ANKS1A: variants seen among roughly 807,000 people sequenced by gnomAD.
ANKS1A encodes the protein ankyrin repeat and SAM domain-containing protein 1A.
Under a neutral mutation model 120.3 loss-of-function variants are expected in ANKS1A, and 55 were observed. That is an observed-to-expected ratio of 0.46 (90% CI 0.37 to 0.57). The LOEUF is 0.57. Among genes scored for constraint, ANKS1A ranks in the 20% least tolerant of loss-of-function variants. ANKS1A has a pLI of 0.00. For synonymous variants in ANKS1A, 590 were observed against 604.7 expected, an observed-to-expected ratio of 0.98 and a Z score of 0.36; for missense variants, 1,123 against 1,480.3, an observed-to-expected ratio of 0.76 and a Z score of 3.96.
At chr6:35,097,035 A>T in the ANKS1A span, among the ~76,000 whole-genome samples, 4 of 150,226 alleles carry the variant, frequency 2.7e-5, no homozygotes, top group African/African-American at 9.8e-5. Context: ...ATTCCAGCCA[A>T]TTTTTTTTTT....
chr6:35,083,752 C>T (rs894685402), intron 20 of ANKS1A, among the ~76,000 whole-genome samples: 1 of 152,166 alleles, frequency 6.6e-6, no homozygotes, highest in Non-Finnish European at 1.5e-5. Flanking sequence ...CTCCACTGGC[C>T]GCACACCTGC....
chr6:35,007,693 A>G (rs1182147070), intron 10 of ANKS1A, among the ~76,000 whole-genome samples: 1 of 152,242 alleles, frequency 6.6e-6, no homozygotes, highest in Non-Finnish European at 1.5e-5. Context: ...GTGAAGTGGT[A>G]CTTAACAGAG....
At chr6:34,924,117 GTGTGTGTGTGTATT>G (rs1314937136) in intron 1 of ANKS1A, among the ~76,000 whole-genome samples, 15 of 151,634 alleles carry the variant, frequency 9.9e-5, no homozygotes, top group African/African-American at 3.4e-4. Flanking sequence ...GTGTGTGTGT[GTGTGTGTGTGTATT>G]TTTCTTTTCC....
chr6:35,007,665 A>G (rs531561471), intron 10 of ANKS1A, among the ~76,000 whole-genome samples: 8 of 152,334 alleles, frequency 5.3e-5, no homozygotes, highest in South Asian at 2.1e-4. Context: ...AGCATCCACT[A>G]ATAGTGCTTG....
intron 1 of ANKS1A, among the ~76,000 whole-genome samples, chr6:34,958,069 A>G (rs1369712856): frequency 6.6e-6 from 1 of 152,222 alleles, no homozygotes; most frequent in African/African-American, 2.4e-5. Flanking sequence ...GGCTTTATAT[A>G]ACATAGGATT....
chr6:34,898,302 G>A (rs1203793222), intron 1 of ANKS1A, among the ~76,000 whole-genome samples: 1 of 152,186 alleles, frequency 6.6e-6, no homozygotes, highest in Non-Finnish European at 1.5e-5. Flanking sequence ...TGGTGGCAAA[G>A]TTACAAAGCA....
intron 1 of ANKS1A, among the ~76,000 whole-genome samples, chr6:34,890,566 A>G (rs1227212618): frequency 6.6e-6 from 1 of 152,238 alleles, no homozygotes; most frequent in Non-Finnish European, 1.5e-5. Context: ...AAATAAAGGC[A>G]GAGAGACTTG....
intron 1 of ANKS1A, among the ~76,000 whole-genome samples, chr6:34,925,968 C>G (rs2127469520): frequency 6.6e-6 from 1 of 152,244 alleles, no homozygotes; most frequent in African/African-American, 2.4e-5. Flanking sequence ...TTGAGAAATT[C>G]TCCTTTAGAG....
chr6:34,933,443 T>C (rs1769095712), intron 1 of ANKS1A, among the ~76,000 whole-genome samples: 1 of 152,216 alleles, frequency 6.6e-6, no homozygotes, highest in African/African-American at 2.4e-5. Flanking sequence ...CGATCTCGTC[T>C]CACTGCAACC....
intron 11 of ANKS1A, among the ~76,000 whole-genome samples, chr6:35,052,237 C>T (rs1776002347): frequency 1.3e-5 from 2 of 152,084 alleles, no homozygotes; most frequent in African/African-American, 4.8e-5. Flanking sequence ...CACTTGAGTC[C>T]AACAGTTTGA....
In ANKS1A at chr6:34,889,946, T is replaced by TA. The variant is rs1766719536; in HGVS notation, c.197+347_197+348insA. ...CCAATTAAGAGCAAATATGTATATCTTATATATATATATATGAGATCTCCC... is the reference window on the plus strand; with the variant it reads ...CCAATTAAGAGCAAATATGTATATCTATATATATATATATATGAGATCTCCC... On this transcript the variant is annotated intron_variant, in intron 1 of 23. Coordinates refer to ENST00000360359, the MANE Select transcript of ANKS1A (RefSeq NM_015245.3). The surrounding 1 kb of genome is among the most constrained non-coding windows in gnomAD (Gnocchi z 5.5). 3.8e-5 allele frequency among the ~76,000 whole-genome samples: 3 copies of TA among 78,854 alleles called. No individual in the cohort carries two copies. The highest frequency in any genetic ancestry group is 4.2e-4 in the South Asian group (1 of 2,392). The allele number at this position is 78,854 out of a possible 152,430, so 51.7% of individuals were successfully genotyped here. A position where few individuals can be genotyped will look rare whatever the true frequency, so the allele number is the denominator to read the frequency against.
At chr6:35,051,167 C>T (rs1249593963) in intron 11 of ANKS1A, among the ~76,000 whole-genome samples, 1 of 151,910 alleles carries the variant, frequency 6.6e-6, no homozygotes, top group African/African-American at 2.4e-5. Flanking sequence ...GCACTCCAGC[C>T]TGGGTGACAG....
intron 11 of ANKS1A, among the ~76,000 whole-genome samples, chr6:35,037,357 A>G (rs1224218887): frequency 2.6e-5 from 4 of 152,206 alleles, no homozygotes; most frequent in Non-Finnish European, 4.4e-5. Flanking sequence ...CAAATTTCCC[A>G]ATTGTTAGGA....
chr6:35,067,886 A>ATTTTT (rs750257307), intron 13 of ANKS1A, among the ~76,000 whole-genome samples: 4 of 106,886 alleles, frequency 3.7e-5, no homozygotes, highest in Non-Finnish European at 5.5e-5. Flanking sequence ...TTCATTTTCA[A>ATTTTT]TTTTTTTTTT....
chr6:34,929,776 C>T (rs146002749), intron 1 of ANKS1A, among the ~76,000 whole-genome samples: 196 of 145,896 alleles, frequency 1.3e-3, no homozygotes, highest in Non-Finnish European at 2.3e-3. Context: ...CCTTCCCCTC[C>T]CCCTCCCCCT....
Position 35,039,676 on chromosome 6 carries a change from G to A in ANKS1A, c.2011-14423G>A, listed in dbSNP as rs1311183142. 3 of 455,086 alleles carry A rather than the reference G, an allele frequency of 6.6e-6. 1 individual carries two copies. Among genetic ancestry groups the A allele is most frequent in the South Asian group, 4.7e-5 (3 of 64,282 alleles). 28.2% of individuals were successfully genotyped at this position (455,086 alleles called of 1,614,324 possible). A position where few individuals can be genotyped will look rare whatever the true frequency, so the allele number is the denominator to read the frequency against. On this transcript the variant is annotated intron_variant, in intron 11 of 23. Transcript: ENST00000360359. Reference sequence around the variant, plus strand: ...TGCTCTGCACAGAAGCCATTCTCCTGAAAGAGGCAAGTGTGTGTTTCTGCC... The same window carrying A: ...TGCTCTGCACAGAAGCCATTCTCCTAAAAGAGGCAAGTGTGTGTTTCTGCC...
At chr6:34,938,095 A>G (rs1769348382) in intron 1 of ANKS1A, among the ~76,000 whole-genome samples, 1 of 152,164 alleles carries the variant, frequency 6.6e-6, no homozygotes, top group Non-Finnish European at 1.5e-5. Context: ...CTGATATGTC[A>G]TTTATTCATA....
intron 11 of ANKS1A, among the ~76,000 whole-genome samples, chr6:35,042,537 T>C (rs565681844): frequency 9.9e-5 from 15 of 152,198 alleles, no homozygotes; most frequent in Non-Finnish European, 1.9e-4. Context: ...TGAAGAGGCG[T>C]GTCCATGTGT....
chr6:35,042,299 T>C (rs950008255), intron 11 of ANKS1A, among the ~76,000 whole-genome samples: 3 of 152,198 alleles, frequency 2.0e-5, no homozygotes, highest in Non-Finnish European at 4.4e-5. Context: ...GGTGGGAAGA[T>C]GCCACACATT....
Sources: gnomAD v4.1 joint callset for allele counts (sites outside exome capture counted in the v4.1 genomes callset) on GRCh38, gnomAD v4.1.1 for gene constraint, Gnocchi (gnomAD v3.1) non-coding constraint, MANE v1.5 for transcripts, NCBI Gene and HGNC (gene_info 2026-07-23, HGNC 2026-07-21) for gene names.